CASP2: variants seen among roughly 807,000 people sequenced by gnomAD.
CASP2 encodes caspase 2.
In CASP2, 38 loss-of-function variants were observed where a neutral mutation model predicts 54.4. That is an observed-to-expected ratio of 0.70 (90% CI 0.54 to 0.92). CASP2 has a LOEUF of 0.92. CASP2 is among the 40% of genes least tolerant of loss of function. CASP2 has a pLI of 0.00. For synonymous variants in CASP2, 215 were observed against 216.3 expected (o/e 0.99, Z 0.05); for missense variants, 512 against 579.6 (o/e 0.88, Z 1.20).
intron 6 of CASP2, among the ~76,000 whole-genome samples, chr7:143,297,706 C>T (rs1381064634): frequency 6.6e-6 from 1 of 152,032 alleles, no homozygotes; most frequent in Admixed American, 6.5e-5. Flanking sequence ...CTCGGCCTCC[C>T]GAAGTGCTGG....
rs1802047147 is a variant in CASP2, at chr7:143,305,839, A to G, written c.*768A>G. 2 of 153,430 alleles carry G rather than the reference A, an allele frequency of 1.3e-5. No individual in the cohort carries two copies. The highest frequency in any genetic ancestry group is 2.9e-5 in the Non-Finnish European group (2 of 68,898). The allele number at this position is 153,430 out of a possible 1,614,324, so 9.5% of individuals were successfully genotyped here. A position where few individuals can be genotyped will look rare whatever the true frequency, so the allele number is the denominator to read the frequency against. On this transcript the variant is annotated 3_prime_UTR_variant, in exon 11 of 11. Transcript: ENST00000310447. ...GGGAGCATCAGAGAAGGCCAGGAAG[A>G]ATGGTGTGTTTCCCTAGACTCTGTA... is the stretch of plus-strand genomic sequence containing the variant.
chr7:143,291,043 C>T (rs1801541137), intron 1 of CASP2: 1 of 161,122 alleles, frequency 6.2e-6, no homozygotes, highest in African/African-American at 2.4e-5. Flanking sequence ...ATGTTTATAT[C>T]ACTAGTGAAA....
At chr7:143,304,008 G>T in intron 9 of CASP2, 75 bp downstream of exon 9, 1 of 1,328,698 alleles carries the variant, frequency 7.5e-7, no homozygotes. Context: ...TGCAGGTACA[G>T]GTTGAGTATC....
At chr7:143,293,218 C>G in intron 4 of CASP2, 1 of 587,034 alleles carries the variant, frequency 1.7e-6, no homozygotes, top group South Asian at 2.1e-5. Context: ...GCGTTGAACT[C>G]CTGGGTTGAA....
Position 143,305,113 on chromosome 7 carries a change from C to T in CASP2, c.*42C>T, listed in dbSNP as rs1802031053. ...TCCACGCCAAGTGGAAGCCACTGGACCACAGGAGGTGTGATAGAGCCTTTG... is the reference window on the plus strand; with the variant it reads ...TCCACGCCAAGTGGAAGCCACTGGATCACAGGAGGTGTGATAGAGCCTTTG... On this transcript the variant is annotated 3_prime_UTR_variant, in exon 11 of 11. Transcript: ENST00000310447. The T allele has an allele frequency of 6.2e-7, 1 of 1,612,956 alleles. No homozygotes were observed. Among genetic ancestry groups the T allele is most frequent in the South Asian group, 1.1e-5 (1 of 91,070 alleles).
intron 4 of CASP2, chr7:143,293,104 C>CT: frequency 1.6e-6 from 1 of 633,972 alleles, no homozygotes; most frequent in Non-Finnish European, 2.7e-6. Context: ...TAACATGAGC[C>CT]CTTTTTTTTG....
At chr7:143,298,533 A>G (rs1254952477) in intron 6 of CASP2, 2 of 152,254 alleles carry the variant, frequency 1.3e-5, no homozygotes, top group African/African-American at 4.8e-5. Context: ...ATGGTGGCAC[A>G]TGCCTATGGT....
chr7:143,293,744 C>T (rs1801659354), intron 4 of CASP2, among the ~76,000 whole-genome samples: 1 of 152,138 alleles, frequency 6.6e-6, no homozygotes, highest in South Asian at 2.1e-4. Flanking sequence ...CTGCCTCGGC[C>T]TCCCAAAGTG....
At chr7:143,292,783 G>T in intron 4 of CASP2, 85 bp downstream of exon 4, 2 of 1,093,786 alleles carry the variant, frequency 1.8e-6, no homozygotes, top group Non-Finnish European at 2.8e-6. Flanking sequence ...GGCCAAGGCG[G>T]GTGGATCACC....
rs1431104404 is a variant in CASP2 at position 143,288,760 on chromosome 7, C to G, written c.74+231C>G. Among the ~76,000 whole-genome samples, 6 of 152,366 alleles carry G rather than the reference C, an allele frequency of 3.9e-5. No individual in the cohort carries two copies. The East Asian group carries it at 1.2e-3, about 29-fold the overall frequency. ...TCTCGTGGGAAAAGACTGCCCCAGC[C>G]TCCCTTTGTTCAACCCACGAGGGTT... On this transcript the variant is annotated intron_variant, in intron 1 of 10. Coordinates refer to ENST00000310447, the MANE Select transcript of CASP2 (RefSeq NM_032982.4).
chr7:143,295,973 A>T (rs755021148), intron 6 of CASP2, among the ~76,000 whole-genome samples: 1 of 152,206 alleles, frequency 6.6e-6, no homozygotes, highest in African/African-American at 2.4e-5. Context: ...ACTTAACAAA[A>T]TGTGCAGTGT....
rs1310859809 is a variant in CASP2 at position 143,288,439 on chromosome 7, C to T, written c.-17C>T. ...GCTGTGGGCGGTGCGCAGCGGAGAG[C>T]CCGGGAAAAGCGGGAAATGGCGGCG... is the stretch of plus-strand genomic sequence containing the variant. On this transcript the variant is annotated 5_prime_UTR_variant, in exon 1 of 11. Coordinates refer to ENST00000310447, the MANE Select transcript of CASP2 (RefSeq NM_032982.4). 1 of 1,611,790 alleles carries T rather than the reference C, an allele frequency of 6.2e-7. No individual in the cohort carries two copies. The highest frequency in any genetic ancestry group is 1.7e-5 in the Admixed American group (1 of 59,946).
rs764823349 is a variant in CASP2 at position 143,303,876 on chromosome 7, C to A, written c.1060C>A (p.Pro354Thr). The change falls in exon 9 of 11, where the codon CCG (proline) becomes ACG (threonine). Residue 354 changes from proline (P) to threonine (T), a missense_variant. Coordinates refer to ENST00000310447, the MANE Select transcript of CASP2 (RefSeq NM_032982.4). The stretch of plus-strand genomic sequence containing the variant: ...GAGTGATGCCGGTAAAGAAAAGTTG[C>A]CGAAGATGAGACTGCCCACGCGCTC... ...EESDAGKEKL[P>T]KMRLPTRSDM... 6.2e-7 allele frequency: 1 copy of A among 1,613,334 alleles called. No individual in the cohort carries two copies.
In CASP2 at chr7:143,306,620, A is replaced by G. The variant is rs375751578; in HGVS notation, c.*1549A>G. The G allele has an allele frequency of 6.7e-6, 1 of 148,608 alleles. No homozygotes were observed. Among genetic ancestry groups the G allele is most frequent in the African/African-American group, 2.5e-5 (1 of 40,564 alleles). 9.2% of individuals were successfully genotyped at this position (148,608 alleles called of 1,614,324 possible). On this transcript the variant is annotated 3_prime_UTR_variant, in exon 11 of 11. Transcript: ENST00000310447. Reference sequence around the variant, plus strand: ...TTCTTTCTTCCTCCAGTCTGTTCTCACATAACAGAGTAGTTTTGGTTTTTA... The same window carrying G: ...TTCTTTCTTCCTCCAGTCTGTTCTCGCATAACAGAGTAGTTTTGGTTTTTA...
intron 1 of CASP2, 21 bp from the exon 2 acceptor site, chr7:143,291,519 C>G: frequency 1.2e-6 from 2 of 1,613,812 alleles, no homozygotes. Context: ...GACAGCCTTT[C>G]CTTCTACCGT....
intron 6 of CASP2, among the ~76,000 whole-genome samples, chr7:143,297,705 C>A (rs541532252): frequency 8.1e-4 from 123 of 152,324 alleles, no homozygotes; most frequent in African/African-American, 2.6e-3. Context: ...CCTCGGCCTC[C>A]CGAAGTGCTG....
At chr7:143,290,358 G>A (rs573074904) in intron 1 of CASP2, among the ~76,000 whole-genome samples, 4 of 152,134 alleles carry the variant, frequency 2.6e-5, no homozygotes, top group African/African-American at 9.6e-5. Context: ...CACCGTGCCC[G>A]GCCTCCCCTC....
intron 2 of CASP2, 67 bp from the exon 3 acceptor site, chr7:143,292,233 C>T: frequency 6.6e-7 from 1 of 1,523,278 alleles, no homozygotes; most frequent in Non-Finnish European, 9.1e-7. Context: ...CTAGGAAGCT[C>T]ATGTGGAGAA....
At chr7:143,290,110 G>A (rs554082643) in intron 1 of CASP2, among the ~76,000 whole-genome samples, 8 of 145,714 alleles carry the variant, frequency 5.5e-5, no homozygotes, top group Non-Finnish European at 1.2e-4. Flanking sequence ...ACCCAGGCTG[G>A]AGTGCAGTGG....
Sources: allele counts gnomAD v4.1 joint callset (sites outside exome capture counted in the v4.1 genomes callset), GRCh38; gene constraint gnomAD v4.1.1; transcripts MANE v1.5; gene names NCBI Gene and HGNC (gene_info 2026-07-23, HGNC 2026-07-21).